Variants in OR51G2 observed in about 807,000 individuals in gnomAD.
The protein encoded by OR51G2 is olfactory receptor family 51 subfamily G member 2, also known as olfactory receptor 51G2.
In OR51G2, 13 loss-of-function variants were observed where a neutral mutation model predicts 11.8. That is an observed-to-expected ratio of 1.10 (90% CI 0.72 to 1.76). The LOEUF (loss-of-function observed/expected upper bound fraction) is 1.76, where lower values mean the gene tolerates loss of function less well. Among genes scored for constraint, OR51G2 ranks in the 40% most tolerant of loss-of-function variants. OR51G2 has a pLI of 0.00. For synonymous variants in OR51G2, 178 were observed against 151.9 expected (o/e 1.17, Z -1.26); for missense variants, 474 against 394.4 (o/e 1.20, Z -1.71).
chr11:4,917,231 A>G (rs552985783), intron 1 of OR51G2, among the ~76,000 whole-genome samples: 38 of 152,328 alleles, frequency 2.5e-4, no homozygotes, highest in African/African-American at 8.7e-4. Context: ...TAAAAAGCCT[A>G]TGAATATTCT....
rs1268947819 is a variant in OR51G2, at chr11:4,913,747, TCAGAATA to T, written c.*965_*971del. The T allele has an allele frequency of 1.3e-5, 2 of 152,138 alleles. No individual in the cohort carries two copies. The highest frequency in any genetic ancestry group is 4.8e-5 in the African/African-American group (2 of 41,422). The allele number at this position is 152,138 out of a possible 1,614,324, so 9.4% of individuals were successfully genotyped here. ...ACAAAAACAACACTTCAGATAATTC[TCAGAATA>T]CACTGTCCTCTCTCTCACTTCTGCT... On this transcript the variant is annotated 3_prime_UTR_variant, in exon 2 of 2. Coordinates refer to ENST00000641926, the MANE Select transcript of OR51G2 (RefSeq NM_001005238.2).
rs943419507 is a variant in OR51G2, at chr11:4,913,058, C to T, written c.*1661G>A. The T allele has an allele frequency of 3.9e-5, 6 of 152,208 alleles. No individual in the cohort carries two copies. Among genetic ancestry groups the T allele is most frequent in the African/African-American group, 1.4e-4 (6 of 41,440 alleles). 9.4% of individuals were successfully genotyped at this position (152,208 alleles called of 1,614,324 possible). A position where few individuals can be genotyped will look rare whatever the true frequency, so the allele number is the denominator to read the frequency against. On this transcript the variant is annotated 3_prime_UTR_variant, in exon 2 of 2. Coordinates refer to ENST00000641926, the MANE Select transcript of OR51G2 (RefSeq NM_001005238.2). ...TTTATTTGCTTTCCACGTGCATAAG[C>T]AAATCCTTAACTTTTCAGCTTCAGA...
intron 1 of OR51G2, among the ~76,000 whole-genome samples, chr11:4,916,673 A>G (rs534688272): frequency 6.6e-6 from 1 of 152,300 alleles, no homozygotes; most frequent in East Asian, 1.9e-4. Flanking sequence ...AATGCTGCTC[A>G]GCTTACAGAA....
At position 4,914,178 on chromosome 11, in the gene OR51G2, G is replaced by T. The variant is rs1184857291; in HGVS notation, c.*541C>A. On this transcript the variant is annotated 3_prime_UTR_variant, in exon 2 of 2. Coordinates refer to ENST00000641926, the MANE Select transcript of OR51G2 (RefSeq NM_001005238.2). ...GGTGGTTAACACTGACTCAGCTAAGGTCTCAGCCTTAGCTGAGTGAGACCT... is the reference window on the plus strand; with the variant it reads ...GGTGGTTAACACTGACTCAGCTAAGTTCTCAGCCTTAGCTGAGTGAGACCT... 1 of 152,886 alleles carries T rather than the reference G, an allele frequency of 6.5e-6. No individual in the cohort carries two copies. Among genetic ancestry groups the T allele is most frequent in the African/African-American group, 2.4e-5 (1 of 41,414 alleles). 9.5% of individuals were successfully genotyped at this position (152,886 alleles called of 1,614,324 possible). A position where few individuals can be genotyped will look rare whatever the true frequency, so the allele number is the denominator to read the frequency against.
In OR51G2 at chr11:4,919,287, C is replaced by T. The variant is rs1851146527; in HGVS notation, c.-187G>A. 6.6e-6 allele frequency: 1 copy of T among 152,258 alleles called. No individual in the cohort carries two copies. Among genetic ancestry groups the T allele is most frequent in the Non-Finnish European group, 1.5e-5 (1 of 68,094 alleles). The allele number at this position is 152,258 out of a possible 1,614,324, so 9.4% of individuals were successfully genotyped here. On this transcript the variant is annotated 5_prime_UTR_variant, in exon 1 of 2. Coordinates refer to ENST00000641926, the MANE Select transcript of OR51G2 (RefSeq NM_001005238.2). ...TGGGATCTTTTCTTGGCTCTACACTCAGCATCAAACACCTGGCTACTATAT... is the reference window on the plus strand; with the variant it reads ...TGGGATCTTTTCTTGGCTCTACACTTAGCATCAAACACCTGGCTACTATAT...
chr11:4,918,879 T>G (rs1169790949), intron 1 of OR51G2, among the ~76,000 whole-genome samples: 1 of 152,200 alleles, frequency 6.6e-6, no homozygotes, highest in African/African-American at 2.4e-5. Context: ...TTCCTATCCA[T>G]CTCCTTGTTT....
Position 4,915,202 on chromosome 11 carries a change from C to G in OR51G2, c.462G>C (p.Leu154=). The G allele has an allele frequency of 6.2e-7, 1 of 1,613,940 alleles. No homozygotes were observed. Among genetic ancestry groups the G allele is most frequent in the Non-Finnish European group, 8.5e-7 (1 of 1,180,002 alleles). Reference sequence around the variant, plus strand: ...GAAAAATGAGTGCTACACTACGACCCAGAGAGACCAGGCCAATCCTGCCAA... The same window carrying G: ...GAAAAATGAGTGCTACACTACGACCGAGAGAGACCAGGCCAATCCTGCCAA... ...TVIGRIGLVS[L]GRSVALIFPL... Residue 154 remains leucine, a synonymous_variant, in exon 2 of 2, where the codon CTG becomes CTC. Coordinates refer to ENST00000641926, the MANE Select transcript of OR51G2 (RefSeq NM_001005238.2).
At position 4,914,550 on chromosome 11, in the gene OR51G2, C is replaced by A; in HGVS notation, c.*169G>T. The stretch of plus-strand genomic sequence containing the variant: ...CCACATCATATTACATTTTACCCCC[C>A]CCTGCCCTGGCCACAACAGAGTGAG... On this transcript the variant is annotated 3_prime_UTR_variant, in exon 2 of 2. Transcript: ENST00000641926. 1 of 573,578 alleles carries A rather than the reference C, an allele frequency of 1.7e-6. No individual in the cohort carries two copies. The highest frequency in any genetic ancestry group is 2.8e-5 in the East Asian group (1 of 35,618). The allele number at this position is 573,578 out of a possible 1,614,324, so 35.5% of individuals were successfully genotyped here.
chr11:4,916,983 G>A (rs909104064), intron 1 of OR51G2, among the ~76,000 whole-genome samples: 1 of 152,136 alleles, frequency 6.6e-6, no homozygotes, highest in Non-Finnish European at 1.5e-5. Context: ...TTGTCACTGG[G>A]AAGAGGTCAT....
Position 4,915,132 on chromosome 11 carries a change from C to A in OR51G2, c.532G>T (p.Val178Phe). Residue 178 changes from valine (V) to phenylalanine (F), a missense_variant, in exon 2 of 2, where the codon GTT (valine) becomes TTT (phenylalanine). Physicochemically the swap from Val to Phe is conservative, Grantham distance 50. Coordinates refer to ENST00000641926, the MANE Select transcript of OR51G2 (RefSeq NM_001005238.2). ...TGGAGACAATAAGAATGTGAGAGAA[C>A]TGGGGAGCCACAATAGGGGAATCTT... is the stretch of plus-strand genomic sequence containing the variant. ...LKRFPYCGSP[V>F]LSHSYCLHQE... The A allele has an allele frequency of 6.2e-7, 1 of 1,614,026 alleles. No individual in the cohort carries two copies. The highest frequency in any genetic ancestry group is 8.5e-7 in the Non-Finnish European group (1 of 1,180,004).
rs777559730 is a variant in OR51G2 at position 4,915,653 on chromosome 11, C to G, written c.11G>C (p.Gly4Ala). MTL[G>A]SLGNSSSSVS... ...GCTGCTGCTGCTGTTTCCCAGGGAT[C>G]CCAGGGTCATTGTGTGAGGAGACAA... Residue 4 changes from glycine (G) to alanine (A), a missense_variant, in exon 2 of 2, where the codon GGA (glycine) becomes GCA (alanine). Gly to Ala is a moderately conservative substitution (Grantham distance 60, BLOSUM62 0). Transcript: ENST00000641926. 3.7e-6 allele frequency: 6 copies of G among 1,611,206 alleles called. No homozygotes were observed. In the African/African-American group the frequency reaches 8.0e-5, roughly 22 times the overall value.
chr11:4,914,940 C>G lies in OR51G2; in HGVS notation c.724G>C (p.Ala242Pro). ...SIASRAERFK[A>P]LNTCVSHICA... is the part of the protein sequence containing the mutation. ...ATGTGGGAAACACAGGTGTTAAGGG[C>G]CTTGAATCTCTCAGCCCTGGAGGCG... The change falls in exon 2 of 2, where the codon GCC (alanine) becomes CCC (proline). Residue 242 changes from alanine (A) to proline (P), a missense_variant. Physicochemically the swap from Ala to Pro is conservative, Grantham distance 27. Coordinates refer to ENST00000641926, the MANE Select transcript of OR51G2 (RefSeq NM_001005238.2). 6.2e-7 allele frequency: 1 copy of G among 1,614,048 alleles called. No homozygotes were observed. Among genetic ancestry groups the G allele is most frequent in the Non-Finnish European group, 8.5e-7 (1 of 1,179,996 alleles).
intron 1 of OR51G2, among the ~76,000 whole-genome samples, chr11:4,916,529 T>C (rs530339054): frequency 6.6e-6 from 1 of 152,322 alleles, no homozygotes; most frequent in East Asian, 1.9e-4. Flanking sequence ...GTTTTTTTCT[T>C]TCTTTCTCTT....
chr11:4,914,584 A>C lies in OR51G2; in HGVS notation c.*135T>G, dbSNP rs746088869. The C allele has an allele frequency of 3.1e-6, 2 of 643,260 alleles. No individual in the cohort carries two copies. Among genetic ancestry groups the C allele is most frequent in the Non-Finnish European group, 5.4e-6 (2 of 371,786 alleles). 39.8% of individuals were successfully genotyped at this position (643,260 alleles called of 1,614,324 possible). On this transcript the variant is annotated 3_prime_UTR_variant, in exon 2 of 2. Transcript: ENST00000641926. ...GGCCACAACAGAGTGAGGGTTCTGT[A>C]AGGACTGTAACTCATCCCTGTACAT... is the stretch of plus-strand genomic sequence containing the variant.
intron 1 of OR51G2, among the ~76,000 whole-genome samples, chr11:4,916,994 A>G (rs532518625): frequency 6.6e-6 from 1 of 152,306 alleles, no homozygotes; most frequent in South Asian, 2.1e-4. Flanking sequence ...AAGAGGTCAT[A>G]TGCCAATTCA....
chr11:4,915,993 C>T (rs1177948384), intron 1 of OR51G2, among the ~76,000 whole-genome samples: 1 of 152,132 alleles, frequency 6.6e-6, no homozygotes, highest in Non-Finnish European at 1.5e-5. Context: ...GTCTTCTTAG[C>T]CACTAGAGTT....
rs780322824 is a variant in OR51G2 at position 4,915,240 on chromosome 11, T to A, written c.424A>T (p.Thr142Ser). 2 of 1,613,444 alleles carry A rather than the reference T, an allele frequency of 1.2e-6. No individual in the cohort carries two copies. The highest frequency in any genetic ancestry group is 1.7e-6 in the Non-Finnish European group (2 of 1,179,880). The part of the protein sequence containing the change: ...CHPLHYVSIL[T>S]NTVIGRIGLV... ...CCAATCCTGCCAATGACTGTGTTGG[T>A]GAGAATGGAAACATAGTGCAAGGGG... The change falls in exon 2 of 2, where the codon ACC (threonine) becomes TCC (serine). Residue 142 changes from threonine to serine, a missense_variant. Transcript: ENST00000641926.
chr11:4,914,858 A>C lies in OR51G2; in HGVS notation c.806T>G (p.Phe269Cys). The change falls in exon 2 of 2, where the codon TTT (phenylalanine) becomes TGT (cysteine). Residue 269 changes from phenylalanine to cysteine, a missense_variant. Phe to Cys is a radical substitution (Grantham distance 205). Coordinates refer to ENST00000641926, the MANE Select transcript of OR51G2 (RefSeq NM_001005238.2). ...GACCAGGTGGGGTGCCTGCTTTCCA[A>C]AGCGATGGATGACAGAGAGGCCAAT... ...PMIGLSVIHRFGKQAPHLVQV... is the reference protein window; with the variant it reads ...PMIGLSVIHRCGKQAPHLVQV... The C allele has an allele frequency of 6.2e-7, 1 of 1,614,102 alleles. No homozygotes were observed. Among genetic ancestry groups the C allele is most frequent in the African/African-American group, 1.3e-5 (1 of 75,040 alleles).
chr11:4,917,407 T>A (rs182924823), intron 1 of OR51G2, among the ~76,000 whole-genome samples: 3 of 152,358 alleles, frequency 2.0e-5, no homozygotes, highest in Admixed American at 2.0e-4. Flanking sequence ...GCCATATAGA[T>A]AATAATTCAG....
Sources: allele counts gnomAD v4.1 joint callset (sites outside exome capture counted in the v4.1 genomes callset), GRCh38; gene constraint gnomAD v4.1.1; transcripts MANE v1.5; gene names NCBI Gene and HGNC (gene_info 2026-07-23, HGNC 2026-07-21).